Variants in ME3 observed in about 807,000 individuals in gnomAD.
ME3 encodes NADP-dependent malic enzyme, mitochondrial.
ME3 carries 48 observed loss-of-function variants against 68.9 expected under a neutral mutation model. That is an observed-to-expected ratio of 0.70 (90% confidence interval 0.55 to 0.89). The LOEUF (loss-of-function observed/expected upper bound fraction) is 0.89. ME3 is among the 40% of genes least tolerant of loss of function. The pLI, the probability that ME3 is intolerant of heterozygous loss-of-function variation, is 0.00. For missense variants in ME3, 675 were observed against 797.4 expected (o/e 0.85, Z 1.85); for synonymous variants, 320 against 318.8 (o/e 1.00, Z -0.04).
chr11:86,591,299 C>A (rs1446249533), intron 2 of ME3, among the ~76,000 whole-genome samples: 1 of 152,148 alleles, frequency 6.6e-6, no homozygotes, highest in Non-Finnish European at 1.5e-5. Flanking sequence ...TGAATTGGGT[C>A]CTCCCAAAAT....
intron 7 of ME3, among the ~76,000 whole-genome samples, chr11:86,475,874 T>TATATATATAGAGAGAGAGAGAGAGAGAG: frequency 4.4e-5 from 4 of 91,470 alleles, no homozygotes; most frequent in African/African-American, 1.5e-4. Context: ...TATATATATA[T>TATATATATAGAGAGAGAGAGAGAGAGAG]AGAGAGAGAG....
chr11:86,538,056 G>A (rs1272458264), intron 4 of ME3, among the ~76,000 whole-genome samples: 1 of 152,216 alleles, frequency 6.6e-6, no homozygotes, highest in Non-Finnish European at 1.5e-5. Flanking sequence ...GTCCCTGCAA[G>A]GGACTCTAGC....
chr11:86,628,275 C>T lies in ME3; in HGVS notation c.183+43487G>A, dbSNP rs113383813. Among the ~76,000 whole-genome samples the T allele has an allele frequency of 5.3e-3, 812 of 152,322 alleles. 3 individuals are homozygous for T. The highest frequency in any genetic ancestry group is 0.018 in the African/African-American group (754 of 41,568). On this transcript the variant is annotated intron_variant, in intron 2 of 14. Transcript: ENST00000543262. ...GCCTTGGCTGAGCTCCCTTGCCTGC[C>T]GCCATCTCCAGCCTCCTCCCAATAC... is the stretch of plus-strand genomic sequence containing the variant.
At chr11:86,526,091 C>A (rs1954724876) in intron 4 of ME3, among the ~76,000 whole-genome samples, 2 of 152,236 alleles carry the variant, frequency 1.3e-5, no homozygotes, top group East Asian at 1.9e-4. Flanking sequence ...CCAGGAAGCA[C>A]AAGGGGTCAG....
chr11:86,516,883 C>A (rs981185547), intron 4 of ME3, among the ~76,000 whole-genome samples: 1 of 152,144 alleles, frequency 6.6e-6, no homozygotes, highest in Non-Finnish European at 1.5e-5. Context: ...TCAGGGCCCA[C>A]TGACCAAATG....
At chr11:86,584,839 A>T (rs1164426793) in intron 2 of ME3, among the ~76,000 whole-genome samples, 1 of 152,230 alleles carries the variant, frequency 6.6e-6, no homozygotes, top group Non-Finnish European at 1.5e-5. Flanking sequence ...GATTTCAGTT[A>T]TGAAAAATGA....
intron 2 of ME3, among the ~76,000 whole-genome samples, chr11:86,583,501 A>T (rs1958560844): frequency 6.6e-6 from 1 of 152,194 alleles, no homozygotes; most frequent in Non-Finnish European, 1.5e-5. Context: ...GTTAGCTGGG[A>T]AAAACAAAGG....
chr11:86,453,385 T>G (rs937601196), intron 8 of ME3, among the ~76,000 whole-genome samples: 7 of 152,162 alleles, frequency 4.6e-5, no homozygotes, highest in African/African-American at 1.7e-4. Flanking sequence ...CTGTACCAAT[T>G]ATTGGGTAAT....
At chr11:86,442,454 G>A (rs1475609645) in intron 14 of ME3, among the ~76,000 whole-genome samples, 2 of 152,206 alleles carry the variant, frequency 1.3e-5, no homozygotes, top group Non-Finnish European at 2.9e-5. Flanking sequence ...TTGCTGATTG[G>A]GAGAGCTGGG....
At chr11:86,552,316 C>T (rs1258730800) in intron 4 of ME3, among the ~76,000 whole-genome samples, 4 of 152,194 alleles carry the variant, frequency 2.6e-5, no homozygotes, top group Non-Finnish European at 5.9e-5. Flanking sequence ...CTACCTACAA[C>T]CCAGCCCTCT....
intron 8 of ME3, chr11:86,457,770 TA>T: frequency 7.9e-7 from 1 of 1,271,056 alleles, no homozygotes; most frequent in Non-Finnish European, 1.0e-6. Flanking sequence ...CTATTCATGG[TA>T]AAAGAAAAAG....
chr11:86,524,925 A>G (rs1954619976), intron 4 of ME3, among the ~76,000 whole-genome samples: 1 of 152,194 alleles, frequency 6.6e-6, no homozygotes, highest in Non-Finnish European at 1.5e-5. Context: ...TCCAAACTAC[A>G]AATCCCTCGA....
chr11:86,479,697 T>A (rs2138863772), intron 7 of ME3, among the ~76,000 whole-genome samples: 1 of 152,332 alleles, frequency 6.6e-6, no homozygotes, highest in Non-Finnish European at 1.5e-5. Context: ...TGAATTTCCA[T>A]TGAACTGAGG....
chr11:86,461,019 C>T (rs958829046), intron 8 of ME3, among the ~76,000 whole-genome samples: 5 of 152,170 alleles, frequency 3.3e-5, no homozygotes, highest in African/African-American at 9.7e-5. Flanking sequence ...GGAATGGGAA[C>T]GATGGGGAGG....
chr11:86,636,197 T>A (rs1944322337), intron 2 of ME3, among the ~76,000 whole-genome samples: 1 of 152,106 alleles, frequency 6.6e-6, no homozygotes, highest in Non-Finnish European at 1.5e-5. Flanking sequence ...TTTGAGACTT[T>A]CTGGGTTAAA....
intron 4 of ME3, among the ~76,000 whole-genome samples, chr11:86,509,711 A>G (rs570867042): frequency 4.1e-4 from 62 of 151,316 alleles, no homozygotes; most frequent in African/African-American, 1.5e-3. Context: ...CAATCTACCC[A>G]AATTATTGGC....
At chr11:86,446,260 G>C in intron 13 of ME3, 54 bp downstream of exon 13, 4 of 1,591,500 alleles carry the variant, frequency 2.5e-6, no homozygotes, top group Non-Finnish European at 2.6e-6. Flanking sequence ...ATAGGACCCA[G>C]TGTCAACCCA....
intron 2 of ME3, among the ~76,000 whole-genome samples, chr11:86,607,874 C>G (rs1942265267): frequency 1.3e-5 from 2 of 152,040 alleles, no homozygotes; most frequent in South Asian, 4.1e-4. Context: ...GGGCACTTAT[C>G]TGCCTTTTGA....
At chr11:86,614,003 G>C (rs1436286406) in intron 2 of ME3, among the ~76,000 whole-genome samples, 1 of 152,164 alleles carries the variant, frequency 6.6e-6, no homozygotes, top group African/African-American at 2.4e-5. Context: ...CAGAGAGCCT[G>C]TATAGTCAAG....
Sources: gnomAD v4.1 joint callset for allele counts (sites outside exome capture counted in the v4.1 genomes callset) on GRCh38, gnomAD v4.1.1 for gene constraint, MANE v1.5 for transcripts, NCBI Gene and HGNC (gene_info 2026-07-23, HGNC 2026-07-21) for gene names.